Variants in GRIK4 observed in about 807,000 individuals in gnomAD.
The protein encoded by GRIK4 is glutamate ionotropic receptor kainate type subunit 4, also known as glutamate receptor ionotropic, kainate 4.
A neutral mutation model predicts 104.9 loss-of-function variants in GRIK4; 40 were observed. That is an observed-to-expected ratio of 0.38 (90% CI 0.30 to 0.50). The LOEUF (loss-of-function observed/expected upper bound fraction) is 0.50, where lower values mean the gene tolerates loss of function less well. Ranked by LOEUF, GRIK4 falls within the 20% of genes least tolerant of loss-of-function variation. The probability of loss-of-function intolerance (pLI) is 0.93; values close to 1 mark genes in which losing one functional copy is unlikely to be tolerated. For missense variants in GRIK4, 1,047 were observed against 1,308.1 expected, an observed-to-expected ratio of 0.80 and a Z score of 3.08; for synonymous variants, 485 against 524.9, an observed-to-expected ratio of 0.92 and a Z score of 1.04.
chr11:120,713,270 T>G (rs960993709), intron 3 of GRIK4, among the ~76,000 whole-genome samples: 1 of 152,198 alleles, frequency 6.6e-6, no homozygotes, highest in African/African-American at 2.4e-5. Context: ...ATTCTGCTGT[T>G]CATTGGTTGT....
At chr11:120,782,061 C>T (rs1952168713) in intron 3 of GRIK4, among the ~76,000 whole-genome samples, 2 of 152,118 alleles carry the variant, frequency 1.3e-5, no homozygotes, top group Non-Finnish European at 2.9e-5. Context: ...TAGCAATATC[C>T]CTTCCCTGAC....
chr11:120,627,044 G>T (rs1949269390), intron 1 of GRIK4, among the ~76,000 whole-genome samples: 1 of 152,180 alleles, frequency 6.6e-6, no homozygotes. Context: ...TAGCAGGCGG[G>T]CCTGGCCCTG....
chr11:120,681,421 G>T (rs1011093540), intron 3 of GRIK4, among the ~76,000 whole-genome samples: 1 of 152,122 alleles, frequency 6.6e-6, no homozygotes, highest in Non-Finnish European at 1.5e-5. Context: ...CCTCTCTCTC[G>T]AGGCTGCAAC....
chr11:120,820,364 G>A (rs1266281911), intron 6 of GRIK4, among the ~76,000 whole-genome samples: 1 of 152,178 alleles, frequency 6.6e-6, no homozygotes, highest in East Asian at 1.9e-4. Context: ...GTACTTGATG[G>A]GTTGAAGAAC....
chr11:120,592,238 A>G (rs183809542), intron 1 of GRIK4, among the ~76,000 whole-genome samples: 3 of 152,340 alleles, frequency 2.0e-5, no homozygotes, highest in Admixed American at 6.5e-5. Flanking sequence ...AATCAGTGCC[A>G]ATTACAGATC....
At chr11:120,669,923 C>T (rs775967976) in intron 3 of GRIK4, among the ~76,000 whole-genome samples, 1 of 152,236 alleles carries the variant, frequency 6.6e-6, no homozygotes, top group Admixed American at 6.5e-5. Context: ...TTCATCCCCA[C>T]TGGGATGTCT....
At position 120,971,263 on chromosome 11, in the gene GRIK4, A is replaced by G. The variant is rs1158458384; in HGVS notation, c.2395+3940A>G. Among the ~76,000 whole-genome samples, 5 of 152,306 alleles carry G rather than the reference A, an allele frequency of 3.3e-5. No individual in the cohort carries two copies. In the East Asian group the frequency reaches 9.6e-4, roughly 29 times the overall value. ...TGACATTTTCCCCCCTATAGACAATAAGCAACTCAAGGACAGGGACTGTGT... is the reference window on the plus strand; with the variant it reads ...TGACATTTTCCCCCCTATAGACAATGAGCAACTCAAGGACAGGGACTGTGT... On this transcript the variant is annotated intron_variant, in intron 19 of 20. Transcript: ENST00000527524.
chr11:120,519,691 C>T (rs1237414995), intron 1 of GRIK4, among the ~76,000 whole-genome samples: 2 of 152,088 alleles, frequency 1.3e-5, no homozygotes, highest in Non-Finnish European at 2.9e-5. Flanking sequence ...AGCCCAAAGT[C>T]CCATAGCTGG....
intron 3 of GRIK4, among the ~76,000 whole-genome samples, chr11:120,723,275 G>T (rs1950965547): frequency 6.6e-6 from 1 of 152,168 alleles, no homozygotes; most frequent in Non-Finnish European, 1.5e-5. Flanking sequence ...CTTCACACTT[G>T]AAGGTGATTT....
chr11:120,850,948 G>A (rs751374949), intron 8 of GRIK4, among the ~76,000 whole-genome samples: 1 of 151,938 alleles, frequency 6.6e-6, no homozygotes, highest in Non-Finnish European at 1.5e-5. Flanking sequence ...TGTCAAAGGC[G>A]TCAACAGCTC....
intron 6 of GRIK4, among the ~76,000 whole-genome samples, 184 bp from the exon 7 acceptor site, chr11:120,831,668 C>A (rs1036913580): frequency 6.6e-6 from 1 of 152,104 alleles, no homozygotes; most frequent in Non-Finnish European, 1.5e-5. Context: ...TAGATGGGAT[C>A]ATTGAAGCCC....
chr11:120,698,664 C>T (rs1177541341), intron 3 of GRIK4, among the ~76,000 whole-genome samples: 1 of 152,206 alleles, frequency 6.6e-6, no homozygotes. Context: ...CTGCCCCTTC[C>T]CCCTGGCTCT....
At chr11:120,773,436 G>A (rs1951983708) in intron 3 of GRIK4, among the ~76,000 whole-genome samples, 1 of 152,244 alleles carries the variant, frequency 6.6e-6, no homozygotes, top group African/African-American at 2.4e-5. Context: ...GAAGCTAGCT[G>A]AGCAAGAAGG....
At chr11:120,771,697 A>G (rs1951945302) in intron 3 of GRIK4, among the ~76,000 whole-genome samples, 1 of 152,254 alleles carries the variant, frequency 6.6e-6, no homozygotes, top group South Asian at 2.1e-4. Context: ...TATACAAGAC[A>G]ATGGAAGAAT....
At chr11:120,623,902 GCTT>G (rs980658637) in intron 1 of GRIK4, among the ~76,000 whole-genome samples, 1 of 151,978 alleles carries the variant, frequency 6.6e-6, no homozygotes, top group African/African-American at 2.4e-5. Flanking sequence ...GTGGCACCCT[GCTT>G]CTCTCTGGGC....
intron 9 of GRIK4, chr11:120,871,956 C>T (rs1954622104): frequency 2.2e-6 from 1 of 455,212 alleles, no homozygotes; most frequent in Admixed American, 2.4e-5. Flanking sequence ...CAGTTCCCCT[C>T]ATAGGCCTCC....
chr11:120,562,580 G>A (rs6589816), intron 1 of GRIK4, among the ~76,000 whole-genome samples: 13,687 of 152,178 alleles, frequency 0.09, 2,050 homozygotes, highest in African/African-American at 0.31. Context: ...AAGTAAGTGA[G>A]GATTTGTGTT....
chr11:120,847,787 C>T (rs1953885617), intron 8 of GRIK4, among the ~76,000 whole-genome samples: 2 of 152,292 alleles, frequency 1.3e-5, no homozygotes, highest in African/African-American at 2.4e-5. Context: ...GAGTTAGCAC[C>T]TTTAGCTTGG....
At position 120,967,205 on chromosome 11, in the gene GRIK4, C is replaced by A. The variant is rs772319601; in HGVS notation, c.2277C>A (p.Phe759Leu). 1.2e-6 allele frequency: 2 copies of A among 1,613,060 alleles called. No individual in the cohort carries two copies. Among genetic ancestry groups the A allele is most frequent in the Non-Finnish European group, 1.7e-6 (2 of 1,179,518 alleles). Residue 759 changes from phenylalanine to leucine, a missense_variant, in exon 19 of 21, where the codon TTC (phenylalanine) becomes TTA (leucine). Physicochemically the swap from Phe to Leu is conservative, Grantham distance 22. Around this residue, in one of 3 missense-constraint regions of GRIK4, gnomAD observed 440 missense variants for 652.3 expected, o/e 0.67. Coordinates refer to ENST00000527524, the MANE Select transcript of GRIK4 (RefSeq NM_014619.5). This position sits in a 1 kb window ranked among gnomAD's most constrained non-coding sequence, Gnocchi z 4.2. ...CCGTAACCCCCGCAGGCTCGGTTTTCCGGGACGAGTTTGATCTGGCCATTC... is the reference window on the plus strand; with the variant it reads ...CCGTAACCCCCGCAGGCTCGGTTTTACGGGACGAGTTTGATCTGGCCATTC... ...YGIGMPVGSV[F>L]RDEFDLAILQ... is the part of the protein sequence containing the mutation.
Sources: gnomAD v4.1 joint callset for allele counts (sites outside exome capture counted in the v4.1 genomes callset) on GRCh38, gnomAD v4.1.1 for gene constraint, gnomAD v4.1.1 regional missense constraint, Gnocchi (gnomAD v3.1) non-coding constraint, MANE v1.5 for transcripts, NCBI Gene and HGNC (gene_info 2026-07-23, HGNC 2026-07-21) for gene names.